ATF7IP2: variants seen among roughly 807,000 people sequenced by gnomAD.
ATF7IP2 encodes the protein activating transcription factor 7 interacting protein 2, also known as activating transcription factor 7-interacting protein 2.
ATF7IP2 carries 42 observed loss-of-function variants against 64.2 expected under a neutral mutation model. The ratio of observed to expected loss-of-function variants is 0.65; its 90% confidence interval spans 0.51 to 0.85. The LOEUF (loss-of-function observed/expected upper bound fraction) is 0.85. Ranked by LOEUF, ATF7IP2 falls within the 40% of genes least tolerant of loss-of-function variation. The probability of loss-of-function intolerance (pLI) is 0.00; values close to 1 mark genes in which losing one functional copy is unlikely to be tolerated. For missense variants in ATF7IP2, 933 were observed against 784.2 expected, an observed-to-expected ratio of 1.19 and a Z score of -2.27; for synonymous variants, 308 against 272.8, an observed-to-expected ratio of 1.13 and a Z score of -1.27.
intron 8 of ATF7IP2, 67 bp from the exon 9 acceptor site, chr16:10,457,305 A>C: frequency 7.2e-7 from 1 of 1,389,724 alleles, no homozygotes; most frequent in South Asian, 1.4e-5. Context: ...TGAAAATGCT[A>C]ATTTTGTTTG....
intron 1 of ATF7IP2, among the ~76,000 whole-genome samples, chr16:10,407,625 T>A (rs1025678372): frequency 6.6e-6 from 1 of 152,234 alleles, no homozygotes; most frequent in African/African-American, 2.4e-5. Flanking sequence ...TTTATAATAT[T>A]GACAAATAAG....
intron 7 of ATF7IP2, among the ~76,000 whole-genome samples, chr16:10,440,109 G>A (rs1207643897): frequency 6.6e-6 from 1 of 151,968 alleles, no homozygotes; most frequent in Non-Finnish European, 1.5e-5. Flanking sequence ...GCAGTGAGTC[G>A]AGATCGCACC....
intron 5 of ATF7IP2, 85 bp downstream of exon 5, chr16:10,431,540 A>G (rs2048255890): frequency 1.2e-6 from 1 of 860,590 alleles, no homozygotes; most frequent in Non-Finnish European, 1.8e-6. Context: ...TATACAAACC[A>G]GTATAGACAG....
chr16:10,410,591 T>G (rs1341111687), intron 1 of ATF7IP2, among the ~76,000 whole-genome samples: 1 of 152,190 alleles, frequency 6.6e-6, no homozygotes, highest in Non-Finnish European at 1.5e-5. Context: ...CAGTTTGACT[T>G]CCTCTTTATC....
At chr16:10,409,558 C>G (rs2047709826) in intron 1 of ATF7IP2, among the ~76,000 whole-genome samples, 1 of 151,662 alleles carries the variant, frequency 6.6e-6, no homozygotes, top group Non-Finnish European at 1.5e-5. Flanking sequence ...TCCTAAGTAG[C>G]TGAGACTACA....
chr16:10,460,311 ATTATAT>A (rs1567165362), intron 9 of ATF7IP2, among the ~76,000 whole-genome samples: 3 of 151,772 alleles, frequency 2.0e-5, no homozygotes, highest in Admixed American at 1.3e-4. Context: ...ACAAAGGAGT[ATTATAT>A]TTATAGAGTA....
chr16:10,411,504 G>A (rs1163347545), intron 1 of ATF7IP2, among the ~76,000 whole-genome samples: 1 of 151,932 alleles, frequency 6.6e-6, no homozygotes, highest in African/African-American at 2.4e-5. Context: ...CAGAGTAGCT[G>A]GGATTACAGG....
At chr16:10,475,728 A>G (rs1374194140) in intron 12 of ATF7IP2, among the ~76,000 whole-genome samples, 3 of 149,774 alleles carry the variant, frequency 2.0e-5, no homozygotes, top group Non-Finnish European at 4.5e-5. Context: ...GCCAGAAAAA[A>G]AAAAAAAAAA....
At chr16:10,462,282 A>G (rs1354090868) in intron 9 of ATF7IP2, among the ~76,000 whole-genome samples, 1 of 151,912 alleles carries the variant, frequency 6.6e-6, no homozygotes, top group Non-Finnish European at 1.5e-5. Context: ...TTACCCACAT[A>G]TTTATGTTTT....
intron 1 of ATF7IP2, among the ~76,000 whole-genome samples, chr16:10,412,147 T>C (rs1177916010): frequency 1.3e-5 from 2 of 151,330 alleles, no homozygotes; most frequent in Non-Finnish European, 2.9e-5. Context: ...ATTTATCTTT[T>C]GTATTTTTTT....
chr16:10,475,236 A>G (rs1056382280), intron 12 of ATF7IP2, among the ~76,000 whole-genome samples: 2 of 152,224 alleles, frequency 1.3e-5, no homozygotes, highest in Admixed American at 6.5e-5. Context: ...CAGGATTGGA[A>G]GTATGCTGTT....
At chr16:10,390,586 C>T (rs1324067932) in intron 1 of ATF7IP2, among the ~76,000 whole-genome samples, 1 of 152,082 alleles carries the variant, frequency 6.6e-6, no homozygotes, top group East Asian at 1.9e-4. Context: ...GTTTGAGACC[C>T]ACCTGGGTAA....
intron 8 of ATF7IP2, among the ~76,000 whole-genome samples, chr16:10,444,390 T>C (rs1046619915): frequency 4.0e-5 from 6 of 151,724 alleles, no homozygotes; most frequent in Non-Finnish European, 7.4e-5. Context: ...CTAGATAAGG[T>C]CTCCCAGGTT....
chr16:10,439,649 C>G (rs1203248974), intron 7 of ATF7IP2, among the ~76,000 whole-genome samples: 2 of 150,558 alleles, frequency 1.3e-5, no homozygotes, highest in African/African-American at 4.9e-5. Context: ...TCTCCTGCCT[C>G]AGCCTCCCGA....
Position 10,482,158 on chromosome 16 carries a change from A to T in ATF7IP2, c.1958A>T (p.Tyr653Phe). Residue 653 changes from tyrosine to phenylalanine, a missense_variant, in exon 14 of 14, where the codon TAT becomes TTT. Physicochemically the swap from Tyr to Phe is conservative, Grantham distance 22 (BLOSUM62 3). Coordinates refer to ENST00000562102, the MANE Select transcript of ATF7IP2 (RefSeq NM_001393719.1). ...CAGTTTTTAGCTTCCAACAGATACT[A>T]TTTTACTGTCCAATCAAAAGATATT... ...LSQFLASNRY[Y>F]FTVQSKDIFG... is the part of the protein sequence containing the mutation. 8.1e-6 allele frequency: 13 copies of T among 1,612,950 alleles called. No homozygotes were observed. The highest frequency in any genetic ancestry group is 1.1e-5 in the Non-Finnish European group (13 of 1,178,954).
At chr16:10,390,758 C>A (rs2047305488) in intron 1 of ATF7IP2, among the ~76,000 whole-genome samples, 1 of 152,018 alleles carries the variant, frequency 6.6e-6, no homozygotes, top group Non-Finnish European at 1.5e-5. Context: ...CACTGCACTC[C>A]AGCTGGGTGA....
chr16:10,412,881 C>T (rs1178571847), intron 1 of ATF7IP2, among the ~76,000 whole-genome samples: 1 of 152,094 alleles, frequency 6.6e-6, no homozygotes, highest in East Asian at 1.9e-4. Flanking sequence ...TGATATTTTT[C>T]TGTTGGATAA....
chr16:10,472,537 C>G (rs1391240602), intron 10 of ATF7IP2, among the ~76,000 whole-genome samples: 1 of 151,654 alleles, frequency 6.6e-6, no homozygotes, highest in Non-Finnish European at 1.5e-5. Context: ...ATTAAGTTAT[C>G]TTATAGTCTA....
intron 8 of ATF7IP2, among the ~76,000 whole-genome samples, chr16:10,441,807 G>T (rs558372329): frequency 6.6e-6 from 1 of 152,294 alleles, no homozygotes; most frequent in South Asian, 2.1e-4. Context: ...TTTTAGTCAT[G>T]AAGTCTTTGC....
Sources: gnomAD v4.1 joint callset for allele counts (sites outside exome capture counted in the v4.1 genomes callset) on GRCh38, gnomAD v4.1.1 for gene constraint, MANE v1.5 for transcripts, NCBI Gene and HGNC (gene_info 2026-07-23, HGNC 2026-07-21) for gene names.